PCDHGA3: variants seen among roughly 807,000 people sequenced by gnomAD.
PCDHGA3 encodes the protein protocadherin gamma-A3.
A neutral mutation model predicts 58.5 loss-of-function variants in PCDHGA3; 40 were observed. The observed-to-expected ratio is 0.68, with a 90% CI of 0.53 to 0.89. PCDHGA3 has a LOEUF of 0.89. Ranked by LOEUF, PCDHGA3 falls within the 40% of genes least tolerant of loss-of-function variation. The probability of loss-of-function intolerance (pLI) is 0.00; values close to 1 mark genes in which losing one functional copy is unlikely to be tolerated. For missense variants in PCDHGA3, 1,223 were observed against 1,195.9 expected (o/e 1.02, Z -0.33); for synonymous variants, 530 against 525.7 (o/e 1.01, Z -0.11).
chr5:141,422,156 T>C, intron 1 of PCDHGA3: 2 of 1,573,504 alleles, frequency 1.3e-6, no homozygotes, highest in Non-Finnish European at 8.6e-7. Flanking sequence ...TCTCTGGATT[T>C]TGAAAAATAT....
intron 1 of PCDHGA3, chr5:141,415,543 G>A (rs1561758242): frequency 6.2e-7 from 1 of 1,614,130 alleles, no homozygotes; most frequent in East Asian, 2.2e-5. Context: ...GGAGAGCTGT[G>A]AGAAAAACGA....
rs199519740 is a variant in PCDHGA3 at position 141,394,287 on chromosome 5, A to C, written c.2424+47830A>C. On this transcript the variant is annotated intron_variant, in intron 1 of 3. Transcript: ENST00000253812. ...GAATGCCCAGGTCACTTACTCTGTG[A>C]CCGAGGACACGCTGCAGGGGGCGCC... 122 of 1,613,772 alleles carry C rather than the reference A, an allele frequency of 7.6e-5. No individual in the cohort carries two copies. Among genetic ancestry groups the C allele is most frequent in the Non-Finnish European group, 9.6e-5 (113 of 1,179,878 alleles).
chr5:141,393,708 G>A, intron 1 of PCDHGA3: 2 of 1,613,788 alleles, frequency 1.2e-6, no homozygotes, highest in South Asian at 1.1e-5. Context: ...TGAAAATACT[G>A]GGGAAATATC....
rs549051669 is a variant in PCDHGA3, at chr5:141,450,866, C to A, written c.2425-43941C>A. 4.7e-5 allele frequency among the ~76,000 whole-genome samples: 7 copies of A among 149,836 alleles called. No homozygotes were observed. In the East Asian group the frequency reaches 1.4e-3, roughly 29 times the overall value. On this transcript the variant is annotated intron_variant, in intron 1 of 3. Transcript: ENST00000253812. ...TTGAGATGGGGTCTTGCTCTGTCAC[C>A]CAGGCTGGTGTGCAGTGGTGCGATA...
Position 141,419,271 on chromosome 5 carries a change from T to C in PCDHGA3, c.2424+72814T>C, listed in dbSNP as rs2096352878. 4 of 1,613,902 alleles carry C rather than the reference T, an allele frequency of 2.5e-6. No homozygotes were observed. In the South Asian group the frequency reaches 3.3e-5, roughly 13 times the overall value. ...GAAAACAACCAGCCGGGTGCCTCCA[T>C]AGCGCAAGTCAGTGCCTCTGACCCA... On this transcript the variant is annotated intron_variant, in intron 1 of 3. Transcript: ENST00000253812.
intron 1 of PCDHGA3, chr5:141,356,248 A>T (rs1760166144): frequency 6.3e-7 from 1 of 1,577,062 alleles, no homozygotes; most frequent in Non-Finnish European, 8.6e-7. Flanking sequence ...AGTCACAGTT[A>T]CATCTCTCAC....
chr5:141,428,055 G>C (rs1232516220), intron 1 of PCDHGA3: 8 of 1,608,952 alleles, frequency 5.0e-6, no homozygotes, highest in African/African-American at 1.3e-5. Context: ...CAAGGTGGTG[G>C]CGGTGGACGC....
intron 1 of PCDHGA3, chr5:141,372,467 C>T: frequency 6.2e-7 from 1 of 1,614,050 alleles, no homozygotes; most frequent in Non-Finnish European, 8.5e-7. Flanking sequence ...TACAGTTTCA[C>T]CTAGTAGTGG....
At chr5:141,419,722 G>A (rs1194093167) in intron 1 of PCDHGA3, 2 of 1,613,306 alleles carry the variant, frequency 1.2e-6, no homozygotes, top group Admixed American at 1.7e-5. Context: ...GCCTGGGGCT[G>A]CGAACAGGCG....
At chr5:141,364,831 C>T (rs1391925170) in intron 1 of PCDHGA3, 1 of 1,613,892 alleles carries the variant, frequency 6.2e-7, no homozygotes, top group Non-Finnish European at 8.5e-7. Context: ...TGAACTCTCT[C>T]CGGAGTTACC....
At position 141,432,360 on chromosome 5, in the gene PCDHGA3, C is replaced by T; in HGVS notation, c.2425-62447C>T. On this transcript the variant is annotated intron_variant, in intron 1 of 3. Transcript: ENST00000253812. This position sits in a 1 kb window ranked among gnomAD's most constrained non-coding sequence, Gnocchi z 6.0. Reference sequence around the variant, plus strand: ...CGAGACTTGCAAGTGAAAGTGATGGCGCGGGACAACGGGCACCCGCCCCTC... The same window carrying T: ...CGAGACTTGCAAGTGAAAGTGATGGTGCGGGACAACGGGCACCCGCCCCTC... 1.9e-6 allele frequency: 3 copies of T among 1,614,228 alleles called. No individual in the cohort carries two copies. The highest frequency in any genetic ancestry group is 1.1e-5 in the South Asian group (1 of 91,088).
Position 141,370,976 on chromosome 5 carries a change from A to G in PCDHGA3, c.2424+24519A>G, listed in dbSNP as rs985937700. ...TGGATGGCAGTAGGTACCCAGAGCT[A>G]GTACTGAAAGCACCCCTGGACAGGG... On this transcript the variant is annotated intron_variant, in intron 1 of 3. Coordinates refer to ENST00000253812, the MANE Select transcript of PCDHGA3 (RefSeq NM_018916.4). The G allele has an allele frequency of 5.0e-6, 8 of 1,613,914 alleles. No homozygotes were observed. The Admixed American group carries it at 1.0e-4, about 20-fold the overall frequency.
rs1363636662 is a variant in PCDHGA3, at chr5:141,356,692, G to A, written c.2424+10235G>A. The A allele has an allele frequency of 5.0e-6, 8 of 1,613,832 alleles. No individual in the cohort carries two copies. The South Asian group carries it at 7.7e-5, about 16-fold the overall frequency. ...CTCCCTGGCCGAAGACACCTTCCAG[G>A]GTGCACCTCTGTCCTCCTATGTCTC... On this transcript the variant is annotated intron_variant, in intron 1 of 3. Transcript: ENST00000253812.
chr5:141,481,261 C>T lies in PCDHGA3; in HGVS notation c.2425-13546C>T, dbSNP rs2099534823. ...TACATAGCATAGCTCTAAAAGATCA[C>T]TGTAGGAAGACATAAAATGGTATTT... On this transcript the variant is annotated intron_variant, in intron 1 of 3. Coordinates refer to ENST00000253812, the MANE Select transcript of PCDHGA3 (RefSeq NM_018916.4). Among the ~76,000 whole-genome samples, 3 of 152,252 alleles carry T rather than the reference C, an allele frequency of 2.0e-5. No individual in the cohort carries two copies. The East Asian group carries it at 5.8e-4, about 29-fold the overall frequency.
chr5:141,350,322 CTT>C, intron 1 of PCDHGA3: 1 of 1,532,296 alleles, frequency 6.5e-7, no homozygotes, highest in South Asian at 1.3e-5. Flanking sequence ...TTCCTGCTGT[CTT>C]TGTTCTGCGG....
At chr5:141,462,020 T>G (rs1371390043) in intron 1 of PCDHGA3, among the ~76,000 whole-genome samples, 6 of 152,110 alleles carry the variant, frequency 3.9e-5, no homozygotes, top group Non-Finnish European at 8.8e-5. Flanking sequence ...ACGGGGTTTC[T>G]TCATGTTGGT....
At chr5:141,385,079 C>A in intron 1 of PCDHGA3, 1 of 1,614,226 alleles carries the variant, frequency 6.2e-7, no homozygotes, top group Non-Finnish European at 8.5e-7. Context: ...CTGCTGCAGG[C>A]TTCAGAAGGT....
At position 141,487,344 on chromosome 5, in the gene PCDHGA3, C is replaced by T. The variant is rs1232854025; in HGVS notation, c.2425-7463C>T. On this transcript the variant is annotated intron_variant, in intron 1 of 3. Coordinates refer to ENST00000253812, the MANE Select transcript of PCDHGA3 (RefSeq NM_018916.4). This position sits in a 1 kb window ranked among gnomAD's most constrained non-coding sequence, Gnocchi z 5.0. ...CTTCGTGGGGCAGCCTGTGGAGTCA[C>T]ATGCTTTCCTGCTGGCACCTGTGCC... 3 of 1,614,208 alleles carry T rather than the reference C, an allele frequency of 1.9e-6. No individual in the cohort carries two copies. The highest frequency in any genetic ancestry group is 3.3e-5 in the Admixed American group (2 of 60,024).
chr5:141,399,814 C>T, intron 1 of PCDHGA3: 2 of 1,613,238 alleles, frequency 1.2e-6, no homozygotes, highest in Non-Finnish European at 1.7e-6. Context: ...GTACCCCGCG[C>T]TGGGTCCCGA....
Sources: gnomAD v4.1 joint callset for allele counts (sites outside exome capture counted in the v4.1 genomes callset) on GRCh38, gnomAD v4.1.1 for gene constraint, Gnocchi (gnomAD v3.1) non-coding constraint, MANE v1.5 for transcripts, NCBI Gene and HGNC (gene_info 2026-07-23, HGNC 2026-07-21) for gene names.